The following PRSS23 variants were observed in gnomAD, a reference collection of about 807,000 sequenced individuals.
PRSS23 encodes the protein protease, serine 23.
PRSS23 carries 25 observed loss-of-function variants against 34.7 expected under a neutral mutation model. That is an observed-to-expected ratio of 0.72 (90% confidence interval 0.53 to 1.01). The LOEUF is 1.01. PRSS23 is among the 50% of genes least tolerant of loss of function. The pLI is 0.00. For synonymous variants in PRSS23, 176 were observed against 186.6 expected (o/e 0.94, Z 0.46); for missense variants, 445 against 475.6 (o/e 0.94, Z 0.60).
intron 2 of PRSS23, chr11:86,892,403 AT>A (rs1341559682): frequency 1.3e-5 from 2 of 152,196 alleles, no homozygotes; most frequent in African/African-American, 4.8e-5. Flanking sequence ...ATTGAATGAG[AT>A]TGGGCGGGAG....
At chr11:86,843,741 G>C (rs151275419) in intron 2 of PRSS23, among the ~76,000 whole-genome samples, 3 of 152,264 alleles carry the variant, frequency 2.0e-5, no homozygotes, top group Non-Finnish European at 4.4e-5. Context: ...AGTTAGAATG[G>C]TAATCATTAA....
At chr11:86,796,207 AG>A (rs1459703445), upstream of PRSS23, among the ~76,000 whole-genome samples, 1 of 152,202 alleles carries the variant, frequency 6.6e-6, no homozygotes, top group Non-Finnish European at 1.5e-5. Flanking sequence ...ATCCAGCAAA[AG>A]AATGGGGCAG....
At chr11:86,931,267 C>T (rs1949124086) in intron 2 of PRSS23, among the ~76,000 whole-genome samples, 1 of 152,082 alleles carries the variant, frequency 6.6e-6, no homozygotes, top group South Asian at 2.1e-4. Context: ...AACATATGTT[C>T]ACAAAATATT....
intron 2 of PRSS23, among the ~76,000 whole-genome samples, chr11:86,866,109 T>C (rs1429591897): frequency 6.6e-6 from 1 of 152,230 alleles, no homozygotes; most frequent in East Asian, 1.9e-4. Context: ...TTCAGCCTGA[T>C]CTTTTTCAAT....
intron 1 of PRSS23, among the ~76,000 whole-genome samples, chr11:86,794,875 A>T (rs1299704145): frequency 6.6e-6 from 1 of 152,196 alleles, no homozygotes; most frequent in African/African-American, 2.4e-5. Context: ...AAACACTGAC[A>T]AATATATAAA....
chr11:86,904,330 G>A (rs1590921957), intron 2 of PRSS23, among the ~76,000 whole-genome samples: 1 of 151,836 alleles, frequency 6.6e-6, no homozygotes, highest in African/African-American at 2.4e-5. Context: ...CACCCAAGTC[G>A]AGACTGATTT....
At chr11:86,926,652 C>G (rs996558949) in intron 2 of PRSS23, among the ~76,000 whole-genome samples, 4 of 152,130 alleles carry the variant, frequency 2.6e-5, no homozygotes, top group Admixed American at 2.6e-4. Flanking sequence ...CTATGCATCT[C>G]TTATGTTGGG....
intron 2 of PRSS23, among the ~76,000 whole-genome samples, chr11:86,838,928 GCATCAA>G (rs1280998638): frequency 6.6e-6 from 1 of 152,016 alleles, no homozygotes; most frequent in Non-Finnish European, 1.5e-5. Flanking sequence ...GAAAGGAATA[GCATCAA>G]CATCAACATC....
chr11:86,894,479 C>A (rs539542950), intron 2 of PRSS23, among the ~76,000 whole-genome samples: 13 of 152,284 alleles, frequency 8.5e-5, no homozygotes, highest in African/African-American at 2.9e-4. Flanking sequence ...AGACCCTTTG[C>A]AATTTTTCCT....
At position 86,877,728 on chromosome 11, in the gene PRSS23, T is replaced by G. The variant is rs187346026; in HGVS notation, c.206+54135T>G. On this transcript the variant is annotated intron_variant, in intron 2 of 2. Transcript: ENST00000533902. ...GCCAGTGCCATACAGTCTTGATAAC[T>G]GTACTGTTTTATTGCTTTGAAATCA... Among the ~76,000 whole-genome samples the G allele has an allele frequency of 2.0e-3, 310 of 152,296 alleles. 2 individuals carry two copies. Among genetic ancestry groups the G allele is most frequent in the Non-Finnish European group, 1.7e-3 (118 of 68,014 alleles).
chr11:86,853,875 A>G (rs536897632), intron 2 of PRSS23, among the ~76,000 whole-genome samples: 12 of 152,018 alleles, frequency 7.9e-5, no homozygotes, highest in Non-Finnish European at 1.5e-4. Context: ...ACTTCCCTCT[A>G]GTTTCACCAT....
At chr11:86,832,991 T>G in intron 2 of PRSS23, 1 of 400,704 alleles carries the variant, frequency 2.5e-6, no homozygotes, top group South Asian at 2.2e-5. Context: ...CAGCTGGGAG[T>G]CTAAAAGACT....
intron 2 of PRSS23, among the ~76,000 whole-genome samples, chr11:86,844,997 C>T (rs575235163): frequency 6.6e-6 from 1 of 150,746 alleles, no homozygotes; most frequent in Non-Finnish European, 1.5e-5. Flanking sequence ...GCTGAGCAAA[C>T]AAATCACTTG....
In PRSS23 at chr11:86,808,908, G is replaced by A. The variant is rs1948144064; in HGVS notation, c.*113G>A. The A allele has an allele frequency of 8.5e-6, 7 of 823,872 alleles. No homozygotes were observed. The South Asian group carries it at 1.0e-4, about 12-fold the overall frequency. 51.0% of individuals were successfully genotyped at this position (823,872 alleles called of 1,614,324 possible). The stretch of plus-strand genomic sequence containing the variant: ...CGTGTGTGTGTGTGTGTGTGTGTGT[G>A]TAAGGTGTCTTATAATCTTTTACCT... On this transcript the variant is annotated 3_prime_UTR_variant, in exon 2 of 2. Coordinates refer to ENST00000280258, the MANE Select transcript of PRSS23 (RefSeq NM_007173.6).
At position 86,904,078 on chromosome 11, in the gene PRSS23, G is replaced by A. The variant is rs73526155; in HGVS notation, c.207-47138G>A. ...TATGGCTGGAATGAGGTAAATCAGG[G>A]ATAGCATATAGGTCTGAACATGCAC... On this transcript the variant is annotated intron_variant, in intron 2 of 2. Transcript: ENST00000533902. Among the ~76,000 whole-genome samples the A allele has an allele frequency of 7.0e-3, 1,069 of 152,220 alleles. 9 individuals carry two copies. Among genetic ancestry groups the A allele is most frequent in the African/African-American group, 0.024 (997 of 41,516 alleles).
intron 2 of PRSS23, among the ~76,000 whole-genome samples, chr11:86,829,993 G>T (rs1490985543): frequency 6.6e-6 from 1 of 152,192 alleles, no homozygotes; most frequent in Non-Finnish European, 1.5e-5. Context: ...CCAGCTGCGT[G>T]CTGGGAGAAC....
chr11:86,932,801 ACT>A (rs1489328386), intron 2 of PRSS23: 1 of 151,636 alleles, frequency 6.6e-6, no homozygotes, highest in Non-Finnish European at 1.5e-5. Context: ...CTCCTTGAAG[ACT>A]CTCTTCTGAG....
At chr11:86,944,243 C>A (rs763550722) in intron 2 of PRSS23, among the ~76,000 whole-genome samples, 2 of 151,636 alleles carry the variant, frequency 1.3e-5, no homozygotes, top group Non-Finnish European at 2.9e-5. Flanking sequence ...CTCTCTGTGT[C>A]TGTGTCCAAA....
At chr11:86,841,168 C>T (rs1002435565) in intron 2 of PRSS23, among the ~76,000 whole-genome samples, 3 of 151,728 alleles carry the variant, frequency 2.0e-5, no homozygotes, top group Non-Finnish European at 4.4e-5. Context: ...GGAGATACTC[C>T]ATCTCTACTA....
Sources: allele counts gnomAD v4.1 joint callset (sites outside exome capture counted in the v4.1 genomes callset), GRCh38; gene constraint gnomAD v4.1.1; transcripts MANE v1.5; gene names NCBI Gene and HGNC (gene_info 2026-07-23, HGNC 2026-07-21).